The following RFWD3 variants were observed in gnomAD, a reference collection of about 807,000 sequenced individuals.
The protein encoded by RFWD3 is E3 ubiquitin-protein ligase RFWD3.
Under a neutral mutation model 87.7 loss-of-function variants are expected in RFWD3, and 65 were observed. The ratio of observed to expected loss-of-function variants is 0.74; its 90% CI spans 0.61 to 0.91. The LOEUF (loss-of-function observed/expected upper bound fraction) is 0.91. RFWD3 is among the 40% of genes least tolerant of loss of function. The probability of loss-of-function intolerance (pLI) is 0.00; values close to 1 mark genes in which losing one functional copy is unlikely to be tolerated. For missense variants in RFWD3, 1,078 were observed against 938.5 expected, an observed-to-expected ratio of 1.15 and a Z score of -1.94; for synonymous variants, 433 against 352.8, an observed-to-expected ratio of 1.23 and a Z score of -2.55.
intron 12 of RFWD3, among the ~76,000 whole-genome samples, chr16:74,624,282 T>C (rs1022427537): frequency 6.6e-6 from 1 of 152,238 alleles, no homozygotes; most frequent in Non-Finnish European, 1.5e-5. Flanking sequence ...GCAATTAGTC[T>C]ACCTGTAAGT....
At chr16:74,641,138 C>T (rs2144161442) in intron 6 of RFWD3, among the ~76,000 whole-genome samples, 1 of 152,172 alleles carries the variant, frequency 6.6e-6, no homozygotes, top group African/African-American at 2.4e-5. Context: ...ACCTAAATGT[C>T]TACCAATGTA....
At chr16:74,662,158 T>C (rs1961496611) in intron 1 of RFWD3, among the ~76,000 whole-genome samples, 1 of 152,166 alleles carries the variant, frequency 6.6e-6, no homozygotes. Context: ...AATTTTTTTT[T>C]GTTATATAGA....
rs938210328 is a variant in RFWD3 at position 74,662,767 on chromosome 16, G to C, written c.-2-1316C>G. Among the ~76,000 whole-genome samples the C allele has an allele frequency of 2.0e-5, 3 of 152,222 alleles. No individual in the cohort carries two copies. The East Asian group carries it at 5.8e-4, about 29-fold the overall frequency. On this transcript the variant is annotated intron_variant, in intron 1 of 12. Transcript: ENST00000361070. ...TATGTTAGGAATGCACTGTAGGGGT[G>C]CAAGAGCATAAGCTAGGTGACCAGT...
At chr16:74,637,122 TAAAAAAAAAAAAAA>T (rs759556308) in intron 7 of RFWD3, among the ~76,000 whole-genome samples, 1 of 101,804 alleles carries the variant, frequency 9.8e-6, no homozygotes, top group Non-Finnish European at 1.9e-5. Context: ...TAAAGTCCTT[TAAAAAAAAAAAAAA>T]AAAAAAAAAC....
rs530241443 is a variant in RFWD3 at position 74,641,189 on chromosome 16, T to C, written c.1079+3173A>G. ...ATTTTTTTTTTTTTTGAAGACAGAG[T>C]TTCGCCATTGTTGCCCAAGCAGGAG... On this transcript the variant is annotated intron_variant, in intron 6 of 12. Transcript: ENST00000361070. Among the ~76,000 whole-genome samples, 7 of 151,724 alleles carry C rather than the reference T, an allele frequency of 4.6e-5. No homozygotes were observed. In the South Asian group the frequency reaches 1.5e-3, roughly 32 times the overall value.
intron 6 of RFWD3, among the ~76,000 whole-genome samples, chr16:74,638,454 G>A (rs977087328): frequency 2.6e-5 from 4 of 152,248 alleles, no homozygotes; most frequent in East Asian, 3.9e-4. Context: ...TAGGCATAAC[G>A]AGGAACAATG....
At chr16:74,662,098 C>T (rs375910589) in intron 1 of RFWD3, among the ~76,000 whole-genome samples, 108 of 151,994 alleles carry the variant, frequency 7.1e-4, no homozygotes, top group African/African-American at 2.6e-3. Flanking sequence ...ATCTTTAATT[C>T]CATTGTATCA....
intron 10 of RFWD3, among the ~76,000 whole-genome samples, chr16:74,629,206 T>C (rs1959019562): frequency 6.6e-6 from 1 of 152,222 alleles, no homozygotes; most frequent in East Asian, 1.9e-4. Context: ...TCCGACTGTG[T>C]TCCTATCAAC....
intron 10 of RFWD3, 43 bp from the exon 11 acceptor site, chr16:74,628,709 C>A: frequency 1.3e-6 from 2 of 1,589,238 alleles, no homozygotes; most frequent in Middle Eastern, 1.9e-4. Context: ...CTCCAAAACT[C>A]GGACGGCTCC....
At chr16:74,641,164 A>ATTT in intron 6 of RFWD3, among the ~76,000 whole-genome samples, 1 of 145,822 alleles carries the variant, frequency 6.9e-6, no homozygotes, top group Non-Finnish European at 1.5e-5. Context: ...CAAACAGATA[A>ATTT]TTTTTTTTTT....
At chr16:74,663,090 C>T (rs923280041) in intron 1 of RFWD3, among the ~76,000 whole-genome samples, 5 of 151,600 alleles carry the variant, frequency 3.3e-5, no homozygotes, top group Non-Finnish European at 5.9e-5. Context: ...ATTTTTAGTA[C>T]AGCCGGGGTT....
intron 3 of RFWD3, among the ~76,000 whole-genome samples, chr16:74,650,814 C>T (rs1229989976): frequency 6.6e-6 from 1 of 151,620 alleles, no homozygotes. Context: ...GAGGTCAAGG[C>T]TGCGGTGAGC....
intron 6 of RFWD3, 177 bp downstream of exon 6, chr16:74,644,185 A>AGAT: frequency 1.5e-6 from 1 of 666,682 alleles, no homozygotes; most frequent in Non-Finnish European, 2.7e-6. Context: ...TTCCTTAAGA[A>AGAT]GATGATCAGA....
At chr16:74,630,740 G>A in intron 10 of RFWD3, 41 bp downstream of exon 10, 1 of 1,528,330 alleles carries the variant, frequency 6.5e-7, no homozygotes, top group Non-Finnish European at 8.8e-7. Flanking sequence ...TAAGCCAAGA[G>A]AAAGCTGCTA....
rs12933037 is a variant in RFWD3 at position 74,626,276 on chromosome 16, G to C, written c.2181+67C>G. On this transcript the variant is annotated intron_variant, in intron 12 of 12. Transcript: ENST00000361070. ...ATGAGCTTCTGTAAAAAAAGTTCATGTTTTCCCTTACCAATATTTTAAGCA... is the reference window on the plus strand; with the variant it reads ...ATGAGCTTCTGTAAAAAAAGTTCATCTTTTCCCTTACCAATATTTTAAGCA... The C allele has an allele frequency of 2.1e-6, 3 of 1,449,734 alleles. No homozygotes were observed. The African/African-American group carries it at 4.2e-5, about 20-fold the overall frequency. 89.8% of individuals were successfully genotyped at this position (1,449,734 alleles called of 1,614,324 possible).
At chr16:74,662,433 C>T (rs559302819) in intron 1 of RFWD3, among the ~76,000 whole-genome samples, 1 of 152,124 alleles carries the variant, frequency 6.6e-6, no homozygotes, top group South Asian at 2.1e-4. Context: ...AGATAAGACC[C>T]CATGTATCAG....
intron 7 of RFWD3, among the ~76,000 whole-genome samples, chr16:74,637,143 A>AAC (rs1403248526): frequency 1.3e-5 from 2 of 150,296 alleles, no homozygotes; most frequent in African/African-American, 4.9e-5. Flanking sequence ...AAAAAAAAAA[A>AAC]AACAACTTAA....
intron 6 of RFWD3, among the ~76,000 whole-genome samples, chr16:74,639,036 C>CTTTT (rs564298799): frequency 2.3e-5 from 3 of 132,118 alleles, no homozygotes; most frequent in Non-Finnish European, 4.7e-5. Flanking sequence ...TGAGCTAAGA[C>CTTTT]TTTTTTTTTT....
intron 6 of RFWD3, chr16:74,644,059 G>A (rs1959905377): frequency 1.9e-5 from 8 of 427,242 alleles, no homozygotes; most frequent in Non-Finnish European, 3.5e-5. Context: ...TGAGTTTTCT[G>A]TATGGAGAAC....
Sources: gnomAD v4.1 joint callset for allele counts (sites outside exome capture counted in the v4.1 genomes callset) on GRCh38, gnomAD v4.1.1 for gene constraint, MANE v1.5 for transcripts, NCBI Gene and HGNC (gene_info 2026-07-23, HGNC 2026-07-21) for gene names.